Variants in LHFPL3 observed in about 807,000 individuals in gnomAD.
The protein encoded by LHFPL3 is LHFPL tetraspan subfamily member 3, also known as LHFPL tetraspan subfamily member 3 protein.
A neutral mutation model predicts 19.3 loss-of-function variants in LHFPL3; 5 were observed. That is an observed-to-expected ratio of 0.26 (90% CI 0.14 to 0.54). The LOEUF (loss-of-function observed/expected upper bound fraction) is 0.54. LHFPL3 is among the 20% of genes least tolerant of loss of function. The pLI is 0.94. For synonymous variants in LHFPL3, 133 were observed against 126.2 expected, an observed-to-expected ratio of 1.05 and a Z score of -0.36; for missense variants, 249 against 307.4, an observed-to-expected ratio of 0.81 and a Z score of 1.42.
intron 1 of LHFPL3, chr7:104,669,256 A>T: frequency 6.2e-7 from 1 of 1,613,998 alleles, no homozygotes; most frequent in Non-Finnish European, 8.5e-7. Context: ...GCAATCCCCT[A>T]CAAGTGGTGG....
At chr7:104,791,720 T>A (rs1015508653) in intron 2 of LHFPL3, among the ~76,000 whole-genome samples, 1 of 152,114 alleles carries the variant, frequency 6.6e-6, no homozygotes, top group Admixed American at 6.6e-5. Context: ...ACAGGAGAGA[T>A]TCGGATTTTC....
At chr7:104,899,375 C>T (rs1003056272) in intron 2 of LHFPL3, among the ~76,000 whole-genome samples, 2 of 151,746 alleles carry the variant, frequency 1.3e-5, no homozygotes, top group African/African-American at 2.4e-5. Context: ...TATATGCCGC[C>T]GAGAAAATCA....
chr7:104,458,419 T>G (rs578213641), intron 1 of LHFPL3, among the ~76,000 whole-genome samples: 5 of 152,296 alleles, frequency 3.3e-5, no homozygotes, highest in Admixed American at 3.3e-4. Flanking sequence ...AAAGATCAGA[T>G]AGTTGTAGAT....
chr7:104,379,623 T>A (rs189992641), intron 1 of LHFPL3, among the ~76,000 whole-genome samples: 3 of 152,290 alleles, frequency 2.0e-5, no homozygotes, highest in Admixed American at 6.5e-5. Flanking sequence ...ATAGACACAT[T>A]GGCTGATGGA....
At chr7:104,681,986 A>G (rs903726096) in intron 1 of LHFPL3, among the ~76,000 whole-genome samples, 1 of 152,222 alleles carries the variant, frequency 6.6e-6, no homozygotes. Context: ...ACCGAACCAT[A>G]GCGCATAGAT....
At chr7:104,351,281 A>G (rs1790169885) in intron 1 of LHFPL3, among the ~76,000 whole-genome samples, 1 of 152,124 alleles carries the variant, frequency 6.6e-6, no homozygotes. Flanking sequence ...CTTCACCTTG[A>G]GTCTGATGTC....
At chr7:104,675,783 C>T (rs993173148) in intron 1 of LHFPL3, among the ~76,000 whole-genome samples, 8 of 152,020 alleles carry the variant, frequency 5.3e-5, no homozygotes, top group Non-Finnish European at 8.8e-5. Flanking sequence ...GCTAGAAAGA[C>T]GGATCAATTA....
intron 2 of LHFPL3, chr7:104,796,679 G>A (rs375647563): frequency 1.3e-5 from 2 of 152,650 alleles, no homozygotes; most frequent in African/African-American, 4.8e-5. Context: ...GAGACTGCTA[G>A]GTCTTAGAAA....
chr7:104,405,073 G>A (rs924097751), intron 1 of LHFPL3, among the ~76,000 whole-genome samples: 3 of 152,148 alleles, frequency 2.0e-5, no homozygotes, highest in Non-Finnish European at 2.9e-5. Context: ...GGATGAGTGT[G>A]TGTGTGTAAT....
At chr7:104,730,922 A>G (rs9720045) in intron 1 of LHFPL3, among the ~76,000 whole-genome samples, 46,395 of 151,958 alleles carry the variant, frequency 0.31, 7,985 homozygotes, top group East Asian at 0.77. Context: ...TAATTTTTGT[A>G]TAAGGTGTAA....
chr7:104,357,753 C>T (rs1790307380), intron 1 of LHFPL3, among the ~76,000 whole-genome samples: 1 of 143,850 alleles, frequency 7.0e-6, no homozygotes, highest in Non-Finnish European at 1.5e-5. Context: ...TGGAATTTCT[C>T]CTCTTCCTCC....
chr7:104,534,974 A>G (rs1794366211), intron 1 of LHFPL3, among the ~76,000 whole-genome samples: 1 of 152,180 alleles, frequency 6.6e-6, no homozygotes, highest in Non-Finnish European at 1.5e-5. Context: ...ACCATGATTG[A>G]CACAGAACTG....
At chr7:104,629,462 T>C (rs1791602330) in intron 1 of LHFPL3, among the ~76,000 whole-genome samples, 1 of 152,272 alleles carries the variant, frequency 6.6e-6, no homozygotes, top group African/African-American at 2.4e-5. Flanking sequence ...CCTTGCAGTA[T>C]TTATAGAGTA....
At chr7:104,510,177 G>A (rs1793782742) in intron 1 of LHFPL3, among the ~76,000 whole-genome samples, 1 of 152,050 alleles carries the variant, frequency 6.6e-6, no homozygotes, top group Non-Finnish European at 1.5e-5. Flanking sequence ...TATAGGTTTA[G>A]CACAATTTCT....
At chr7:104,693,129 A>C (rs1030935032) in intron 1 of LHFPL3, among the ~76,000 whole-genome samples, 1 of 152,196 alleles carries the variant, frequency 6.6e-6, no homozygotes, top group African/African-American at 2.4e-5. Flanking sequence ...TTTGATTTGC[A>C]TGGGGACTGT....
chr7:104,446,996 T>A (rs1472616569), intron 1 of LHFPL3, among the ~76,000 whole-genome samples: 1 of 152,218 alleles, frequency 6.6e-6, no homozygotes, highest in Non-Finnish European at 1.5e-5. Context: ...CTCATACTAA[T>A]AAATAAATAC....
chr7:104,797,865 G>A (rs1790162710), intron 2 of LHFPL3, among the ~76,000 whole-genome samples: 1 of 152,178 alleles, frequency 6.6e-6, no homozygotes, highest in Non-Finnish European at 1.5e-5. Context: ...GCAGTAGGCT[G>A]AGATGGTGCC....
chr7:104,490,593 T>C (rs2027949), intron 1 of LHFPL3, among the ~76,000 whole-genome samples: 78,271 of 151,410 alleles, frequency 0.52, 21,044 homozygotes, highest in Middle Eastern at 0.63. Context: ...ACAACTCTAG[T>C]TCTCCACTCT....
At chr7:104,872,939 T>C (rs1362050034) in intron 2 of LHFPL3, among the ~76,000 whole-genome samples, 1 of 152,264 alleles carries the variant, frequency 6.6e-6, no homozygotes, top group Non-Finnish European at 1.5e-5. Flanking sequence ...CATAATTTTA[T>C]GTGCTAGACT....
Sources: gnomAD v4.1 joint callset for allele counts (sites outside exome capture counted in the v4.1 genomes callset) on GRCh38, gnomAD v4.1.1 for gene constraint, MANE v1.5 for transcripts, NCBI Gene and HGNC (gene_info 2026-07-23, HGNC 2026-07-21) for gene names.